ADAM7: variants seen among roughly 807,000 people sequenced by gnomAD.
The protein encoded by ADAM7 is disintegrin and metalloproteinase domain-containing protein 7.
ADAM7 carries 97 observed loss-of-function variants against 102.9 expected under a neutral mutation model. The observed-to-expected ratio is 0.94, with a 90% CI of 0.80 to 1.12. ADAM7 has a LOEUF of 1.12. ADAM7 is among the 50% of genes most tolerant of loss of function. The pLI, the probability that ADAM7 is intolerant of heterozygous loss-of-function variation, is 0.00. For synonymous variants in ADAM7, 334 were observed against 304.4 expected (o/e 1.10, Z -1.01); for missense variants, 991 against 908.7 (o/e 1.09, Z -1.16).
intron 5 of ADAM7, among the ~76,000 whole-genome samples, chr8:24,466,033 A>T (rs901253894): frequency 8.5e-5 from 13 of 152,252 alleles, no homozygotes; most frequent in Non-Finnish European, 1.6e-4. Context: ...ACTGAAAATC[A>T]TTTAGTCTGG....
chr8:24,460,682 C>T (rs1819207614), intron 3 of ADAM7, among the ~76,000 whole-genome samples: 1 of 151,582 alleles, frequency 6.6e-6, no homozygotes. Flanking sequence ...TACAGACACT[C>T]CTTATTTGTG....
At position 24,482,183 on chromosome 8, in the gene ADAM7, T is replaced by A; in HGVS notation, c.747T>A (p.Ile249=). 1 of 1,598,194 alleles carries A rather than the reference T, an allele frequency of 6.3e-7. No homozygotes were observed. The highest frequency in any genetic ancestry group is 8.5e-7 in the Non-Finnish European group (1 of 1,175,532). The part of the protein sequence containing the change: ...TLNIHVTLVG[I]EIWTHEDKIE... ...ACATCCATGTGACGTTGGTTGGCAT[T>A]GAAATATGGACACATGAAGATAAAA... is the stretch of plus-strand genomic sequence containing the variant. Residue 249 remains isoleucine (I), a synonymous_variant, in exon 9 of 22, where the codon ATT becomes ATA. Coordinates refer to ENST00000175238, the MANE Select transcript of ADAM7 (RefSeq NM_003817.4).
intron 1 of ADAM7, among the ~76,000 whole-genome samples, chr8:24,441,841 C>T (rs1194545176): frequency 6.6e-6 from 1 of 152,166 alleles, no homozygotes; most frequent in Non-Finnish European, 1.5e-5. Context: ...CAGGCTTTGA[C>T]AGGAGACAAA....
rs757007216 is a variant in ADAM7, at chr8:24,476,427, T to C, written c.634-6T>C. ...ATGAATATTAATATGATATTTATAT[T>C]TCCAGTATCGCAGAAATGGTCATCC... On this transcript the variant is annotated splice_region_variant and splice_polypyrimidine_tract_variant and intron_variant, in intron 7 of 21. Coordinates refer to ENST00000175238, the MANE Select transcript of ADAM7 (RefSeq NM_003817.4). The C allele has an allele frequency of 6.3e-7, 1 of 1,590,754 alleles. No individual in the cohort carries two copies.
At position 24,500,904 on chromosome 8, in the gene ADAM7, A is replaced by G. The variant is rs1820736779; in HGVS notation, c.2108+9A>G. ...TTGAAGCAAGTTCAGAGGTACATTTACATTTTTCTATGTGTTGAAGAAGGG... is the reference window on the plus strand; with the variant it reads ...TTGAAGCAAGTTCAGAGGTACATTTGCATTTTTCTATGTGTTGAAGAAGGG... On this transcript the variant is annotated intron_variant, in intron 19 of 21. Transcript: ENST00000175238. 1 of 1,592,782 alleles carries G rather than the reference A, an allele frequency of 6.3e-7. No individual in the cohort carries two copies. Among genetic ancestry groups the G allele is most frequent in the Non-Finnish European group, 8.6e-7 (1 of 1,161,476 alleles).
At chr8:24,497,816 A>G (rs1820611173) in intron 16 of ADAM7, among the ~76,000 whole-genome samples, 1 of 152,136 alleles carries the variant, frequency 6.6e-6, no homozygotes, top group Admixed American at 6.5e-5. Flanking sequence ...AAAAGAGAAA[A>G]GGTCATTAAT....
chr8:24,456,029 A>G (rs1345099661), intron 3 of ADAM7, among the ~76,000 whole-genome samples: 2 of 152,202 alleles, frequency 1.3e-5, no homozygotes, highest in Non-Finnish European at 2.9e-5. Context: ...ATTATTAAGT[A>G]AATTCACCAT....
intron 17 of ADAM7, 39 bp downstream of exon 17, chr8:24,499,355 C>T (rs957099642): frequency 1.3e-6 from 2 of 1,482,590 alleles, no homozygotes; most frequent in African/African-American, 2.8e-5. Flanking sequence ...GTCTTATCAG[C>T]CATATATTTA....
chr8:24,470,503 C>G (rs1344789404), intron 7 of ADAM7, among the ~76,000 whole-genome samples: 1 of 151,898 alleles, frequency 6.6e-6, no homozygotes, highest in African/African-American at 2.4e-5. Context: ...CAACAGAAAG[C>G]CTCAAAGAAA....
At chr8:24,479,614 G>A (rs1819882822) in intron 8 of ADAM7, among the ~76,000 whole-genome samples, 1 of 152,034 alleles carries the variant, frequency 6.6e-6, no homozygotes, top group Non-Finnish European at 1.5e-5. Flanking sequence ...GTCCATGGAG[G>A]CCCATGGAGA....
At chr8:24,481,463 A>G (rs1008466675) in intron 8 of ADAM7, among the ~76,000 whole-genome samples, 41 of 152,138 alleles carry the variant, frequency 2.7e-4, no homozygotes, top group Non-Finnish European at 1.2e-4. Context: ...TAGAATATAA[A>G]ACTGATACAA....
chr8:24,484,891 C>T (rs1023208714), intron 9 of ADAM7, among the ~76,000 whole-genome samples: 7 of 150,356 alleles, frequency 4.7e-5, no homozygotes, highest in Admixed American at 4.0e-4. Context: ...CTGCAACCTC[C>T]GCCTCTCGGG....
intron 14 of ADAM7, 186 bp downstream of exon 14, chr8:24,492,284 C>A: frequency 1.5e-6 from 1 of 686,128 alleles, no homozygotes; most frequent in African/African-American, 1.8e-5. Flanking sequence ...TTAACTATCT[C>A]AGTATATGAG....
At chr8:24,441,251 C>T in intron 1 of ADAM7, 91 bp downstream of exon 1, 1 of 1,281,830 alleles carries the variant, frequency 7.8e-7, no homozygotes, top group South Asian at 1.2e-5. Flanking sequence ...GTGATAAAAA[C>T]ATTAAACGTT....
At chr8:24,504,220 G>A (rs1313122921) in intron 20 of ADAM7, among the ~76,000 whole-genome samples, 2 of 151,674 alleles carry the variant, frequency 1.3e-5, no homozygotes, top group Non-Finnish European at 1.5e-5. Flanking sequence ...AAGAAAAACA[G>A]CCAAACATAA....
chr8:24,451,339 G>A (rs185430746), intron 3 of ADAM7, among the ~76,000 whole-genome samples: 1 of 152,144 alleles, frequency 6.6e-6, no homozygotes, highest in African/African-American at 2.4e-5. Context: ...CCTGTTATTG[G>A]TCTATTCAGA....
chr8:24,442,745 G>T (rs765388293), intron 2 of ADAM7, among the ~76,000 whole-genome samples, 169 bp downstream of exon 2: 9 of 152,188 alleles, frequency 5.9e-5, no homozygotes, highest in Non-Finnish European at 1.2e-4. Flanking sequence ...CAATGGGTTA[G>T]AAAACAGAAA....
chr8:24,459,814 G>T (rs548241695), intron 3 of ADAM7, among the ~76,000 whole-genome samples: 103 of 152,148 alleles, frequency 6.8e-4, no homozygotes, highest in African/African-American at 2.3e-3. Context: ...TTATTTCACT[G>T]ATGTCTTTTA....
intron 7 of ADAM7, chr8:24,476,065 T>A: frequency 2.4e-6 from 1 of 422,154 alleles, no homozygotes; most frequent in Non-Finnish European, 4.7e-6. Context: ...CTTCGCCATA[T>A]AGATTGCTTT....
Sources: gnomAD v4.1 joint callset for allele counts (sites outside exome capture counted in the v4.1 genomes callset) on GRCh38, gnomAD v4.1.1 for gene constraint, MANE v1.5 for transcripts, NCBI Gene and HGNC (gene_info 2026-07-23, HGNC 2026-07-21) for gene names.